The following MRPL21 variants were observed in gnomAD, a reference collection of about 807,000 sequenced individuals.
MRPL21 encodes mitochondrial ribosomal protein L21.
In MRPL21, 20 loss-of-function variants were observed where a neutral mutation model predicts 27.3. That is an observed-to-expected ratio of 0.73 (90% CI 0.52 to 1.06). The LOEUF is 1.06. Ranked by LOEUF, MRPL21 falls within the 50% of genes least tolerant of loss-of-function variation. MRPL21 has a pLI of 0.00. For synonymous variants in MRPL21, 98 were observed against 101.5 expected (o/e 0.97, Z 0.21); for missense variants, 249 against 251.4 (o/e 0.99, Z 0.06).
chr11:68,893,945 G>A (rs895745720), intron 4 of MRPL21, among the ~76,000 whole-genome samples: 2 of 152,052 alleles, frequency 1.3e-5, no homozygotes, highest in African/African-American at 4.8e-5. Flanking sequence ...GTGGCGGCAT[G>A]CACCTGTAGT....
chr11:68,896,988 C>T (rs547716034), intron 3 of MRPL21: 15 of 436,752 alleles, frequency 3.4e-5, no homozygotes, highest in Admixed American at 6.9e-5. Context: ...GCACTCGGCA[C>T]GCCTGGCTAG....
chr11:68,896,666 T>A lies in MRPL21; in HGVS notation c.245A>T (p.Lys82Met), dbSNP rs764238493. ...ETRHHAEVVK[K>M]VNEMIVTGQY... is the part of the protein sequence containing the mutation. ...CCCCGTGACGATCATCTCATTCACC[T>A]TCTTCACGACCTCTGCAGGGGAAGG... Residue 82 changes from lysine to methionine, a missense_variant, in exon 4 of 7, where the codon AAG becomes ATG. Transcript: ENST00000362034. The A allele has an allele frequency of 1.7e-5, 27 of 1,613,960 alleles. No individual in the cohort carries two copies. In the East Asian group the frequency reaches 4.9e-4, roughly 29 times the overall value.
chr11:68,894,811 G>A (rs2097375829), intron 4 of MRPL21, among the ~76,000 whole-genome samples: 1 of 152,168 alleles, frequency 6.6e-6, no homozygotes, highest in African/African-American at 2.4e-5. Flanking sequence ...TGCTTAGGAG[G>A]GGCTTTCTAG....
rs1857798749 is a variant in MRPL21, at chr11:68,896,667, T to G, written c.244A>C (p.Lys82Gln). The change falls in exon 4 of 7, where the codon AAG becomes CAG. Residue 82 changes from lysine (K) to glutamine (Q), a missense_variant. Lys to Gln is a moderately conservative substitution (Grantham distance 53). Transcript: ENST00000362034. ...CCCGTGACGATCATCTCATTCACCT[T>G]CTTCACGACCTCTGCAGGGGAAGGC... ...ETRHHAEVVKKVNEMIVTGQY... is the reference protein window; with the variant it reads ...ETRHHAEVVKQVNEMIVTGQY... 1.9e-6 allele frequency: 3 copies of G among 1,613,992 alleles called. No individual in the cohort carries two copies. In the East Asian group the frequency reaches 6.7e-5, roughly 36 times the overall value.
intron 4 of MRPL21, 25 bp from the exon 5 acceptor site, chr11:68,893,480 C>T: frequency 6.2e-7 from 1 of 1,614,186 alleles, no homozygotes; most frequent in African/African-American, 1.3e-5. Context: ...AGGTGTGTTT[C>T]ATCAGTGGCT....
intron 3 of MRPL21, 102 bp from the exon 4 acceptor site, chr11:68,896,780 G>T: frequency 6.7e-7 from 1 of 1,486,428 alleles, no homozygotes; most frequent in Non-Finnish European, 9.2e-7. Context: ...GGGTGGACCT[G>T]ACAGCCAGCA....
chr11:68,895,506 A>C (rs1485563592), intron 4 of MRPL21, among the ~76,000 whole-genome samples: 2 of 151,088 alleles, frequency 1.3e-5, no homozygotes, highest in African/African-American at 2.4e-5. Context: ...AAAAATTAGC[A>C]GGGCGTGGTG....
At chr11:68,893,354 T>C (rs752366333) in intron 5 of MRPL21, 49 bp downstream of exon 5, 8 of 1,612,942 alleles carry the variant, frequency 5.0e-6, no homozygotes, top group Non-Finnish European at 6.8e-6. Context: ...ACTGTCTGCA[T>C]GTCCAGCCCT....
At chr11:68,894,176 C>T (rs752706772) in intron 4 of MRPL21, among the ~76,000 whole-genome samples, 12 of 152,152 alleles carry the variant, frequency 7.9e-5, no homozygotes, top group South Asian at 2.1e-4. Flanking sequence ...ATTCTTTTAA[C>T]GACTGCAAAA....
intron 3 of MRPL21, 55 bp from the exon 4 acceptor site, chr11:68,896,733 T>C (rs1857801541): frequency 1.2e-6 from 2 of 1,602,306 alleles, no homozygotes; most frequent in African/African-American, 1.3e-5. Flanking sequence ...CCCCACGCGC[T>C]GCAGTGTGAT....
At chr11:68,896,369 C>A in intron 4 of MRPL21, 146 bp downstream of exon 4, 1 of 1,101,774 alleles carries the variant, frequency 9.1e-7, no homozygotes, top group Non-Finnish European at 1.3e-6. Context: ...GTGGGCGCCC[C>A]CCAAAGTCCC....
chr11:68,899,169 A>AG (rs1224078426), intron 2 of MRPL21, among the ~76,000 whole-genome samples: 1 of 152,122 alleles, frequency 6.6e-6, no homozygotes, highest in East Asian at 1.9e-4. Flanking sequence ...GGAAAGAAAG[A>AG]GGGGGGCCTA....
chr11:68,891,434 G>C (rs1566412789), intron 6 of MRPL21, 39 bp from the exon 7 acceptor site: 2 of 1,606,592 alleles, frequency 1.2e-6, no homozygotes, highest in Admixed American at 3.3e-5. Context: ...CACAGACCCT[G>C]ACTGTTGTCA....
chr11:68,899,319 C>T (rs1158311341), intron 2 of MRPL21, among the ~76,000 whole-genome samples: 4 of 152,164 alleles, frequency 2.6e-5, no homozygotes, highest in African/African-American at 7.2e-5. Flanking sequence ...TCTTTCTACT[C>T]CAGGGTTGCA....
chr11:68,903,713 C>T lies in MRPL21; in HGVS notation c.88+10G>A. On this transcript the variant is annotated intron_variant, in intron 1 of 6. Coordinates refer to ENST00000362034, the MANE Select transcript of MRPL21 (RefSeq NM_181514.2). Reference sequence around the variant, plus strand: ...TGCGTCCTCCCTTCCTCCCATATCCCAGGTCTCACCTGCTCCGGGCCCCGA... The same window carrying T: ...TGCGTCCTCCCTTCCTCCCATATCCTAGGTCTCACCTGCTCCGGGCCCCGA... The T allele has an allele frequency of 6.2e-7, 1 of 1,613,202 alleles. No individual in the cohort carries two copies. The highest frequency in any genetic ancestry group is 1.3e-5 in the African/African-American group (1 of 75,070).
intron 3 of MRPL21, chr11:68,897,468 G>C (rs1267448528): frequency 6.1e-6 from 1 of 164,840 alleles, no homozygotes; most frequent in Non-Finnish European, 1.3e-5. Flanking sequence ...CGAGGATCTT[G>C]ATTTCCAGTG....
At chr11:68,891,819 G>T in intron 6 of MRPL21, 1 of 467,728 alleles carries the variant, frequency 2.1e-6, no homozygotes, top group Non-Finnish European at 3.8e-6. Context: ...TATGCCCACT[G>T]TTGGTGGTTT....
rs753712080 is a variant in MRPL21, at chr11:68,900,579, A to C, written c.115T>G (p.Phe39Val). The change falls in exon 2 of 7, where the codon TTC becomes GTC. Residue 39 changes from phenylalanine (F) to valine (V), a missense_variant. Physicochemically the swap from Phe to Val is conservative, Grantham distance 50. Coordinates refer to ENST00000362034, the MANE Select transcript of MRPL21 (RefSeq NM_181514.2). The stretch of plus-strand genomic sequence containing the variant: ...AGATATGAAGTGCTCTGTGAATTGA[A>C]CCTTCGAGAAGCAGACCAAAGGGAG... The part of the protein sequence containing the change: ...AASLWSASRR[F>V]NSQSTSYLPG... 1.9e-6 allele frequency: 3 copies of C among 1,613,932 alleles called. No homozygotes were observed. In the South Asian group the frequency reaches 3.3e-5, roughly 18 times the overall value.
chr11:68,896,786 C>T, intron 3 of MRPL21, 108 bp from the exon 4 acceptor site: 2 of 1,436,934 alleles, frequency 1.4e-6, no homozygotes, highest in Non-Finnish European at 1.9e-6. Flanking sequence ...ACCTGACAGC[C>T]AGCACCCCTT....
Sources: gnomAD v4.1 joint callset for allele counts (sites outside exome capture counted in the v4.1 genomes callset) on GRCh38, gnomAD v4.1.1 for gene constraint, MANE v1.5 for transcripts, NCBI Gene and HGNC (gene_info 2026-07-23, HGNC 2026-07-21) for gene names.